The following MTCL1 variants were observed in gnomAD, a reference collection of about 807,000 sequenced individuals.
The protein encoded by MTCL1 is microtubule crosslinking factor 1, also known as microtubule cross-linking factor 1.
In MTCL1, 79 loss-of-function variants were observed where a neutral mutation model predicts 141.4. The observed-to-expected ratio is 0.56, with a 90% confidence interval of 0.47 to 0.67. The LOEUF is 0.67. Ranked by LOEUF, MTCL1 falls within the 30% of genes least tolerant of loss-of-function variation. The pLI is 0.00. For missense variants in MTCL1, 2,177 were observed against 2,113.9 expected, an observed-to-expected ratio of 1.03 and a Z score of -0.59; for synonymous variants, 914 against 875.8, an observed-to-expected ratio of 1.04 and a Z score of -0.77.
chr18:8,774,870 A>G (rs960667006), intron 4 of MTCL1, among the ~76,000 whole-genome samples: 3 of 151,934 alleles, frequency 2.0e-5, no homozygotes, highest in African/African-American at 7.3e-5. Context: ...ATGGAGGAGG[A>G]GTGTCCCATG....
intron 12 of MTCL1, among the ~76,000 whole-genome samples, chr18:8,813,869 T>C (rs1188410780): frequency 6.6e-6 from 1 of 152,210 alleles, no homozygotes; most frequent in Non-Finnish European, 1.5e-5. Context: ...ATAACCATTC[T>C]CTGCATTGCA....
In MTCL1 at chr18:8,825,648, A is replaced by T; in HGVS notation, c.4138A>T (p.Lys1380Ter). 6.2e-7 allele frequency: 1 copy of T among 1,613,912 alleles called. No individual in the cohort carries two copies. The highest frequency in any genetic ancestry group is 8.5e-7 in the Non-Finnish European group (1 of 1,179,952). ...CCCTGCCATCGAGAAGGTGCAGGCC[A>T]AGTTTGAACGCACATGCTGCTCCCC... is the stretch of plus-strand genomic sequence containing the variant. Residue 1380 changes from lysine (K) to a stop codon, truncating the protein, a stop_gained, in exon 15 of 17, where the codon AAG (lysine) becomes TAG (stop). Coordinates refer to ENST00000359865, the Ensembl canonical transcript of MTCL1. LOFTEE classifies it high-confidence loss of function.
At chr18:8,706,452 C>T in exon 1 of MTCL1, 9 of 1,236,032 alleles carry the variant, frequency 7.3e-6, no homozygotes, top group South Asian at 3.9e-5. Context: ...CGGGCAGCCC[C>T]GAGCCCCCAG....
intron 4 of MTCL1, among the ~76,000 whole-genome samples, chr18:8,744,704 G>A (rs757729501): frequency 2.6e-5 from 4 of 151,438 alleles, no homozygotes; most frequent in Non-Finnish European, 5.9e-5. Flanking sequence ...TTTTTGAGTA[G>A]CATCTGTTAG....
chr18:8,801,472 G>T (rs1249819652), intron 10 of MTCL1, among the ~76,000 whole-genome samples: 1 of 152,178 alleles, frequency 6.6e-6, no homozygotes, highest in African/African-American at 2.4e-5. Flanking sequence ...CCAGACCAGA[G>T]CTTAGGATCT....
Position 8,813,251 on chromosome 18 carries a change from G to T in MTCL1, c.2859+18G>T. Reference sequence around the variant, plus strand: ...TAGAGCAGGTAAGGAGGCACCCCGGGGCCCTGGAGCATAGGCACAGAGTGT... The same window carrying T: ...TAGAGCAGGTAAGGAGGCACCCCGGTGCCCTGGAGCATAGGCACAGAGTGT... On this transcript the variant is annotated intron_variant, in intron 12 of 16. Coordinates refer to ENST00000359865, the Ensembl canonical transcript of MTCL1. 1 of 1,607,110 alleles carries T rather than the reference G, an allele frequency of 6.2e-7. No individual in the cohort carries two copies. Among genetic ancestry groups the T allele is most frequent in the Non-Finnish European group, 8.5e-7 (1 of 1,176,832 alleles).
chr18:8,785,697 C>T (rs945125726), intron 6 of MTCL1: 2 of 543,916 alleles, frequency 3.7e-6, no homozygotes, highest in African/African-American at 1.9e-5. Context: ...CAGATGTGTC[C>T]ACCCGCCCCT....
intron 5 of MTCL1, among the ~76,000 whole-genome samples, chr18:8,781,207 A>T (rs2096531604): frequency 7.4e-6 from 1 of 135,902 alleles, no homozygotes; most frequent in Non-Finnish European, 1.6e-5. Flanking sequence ...AAAAAAAAAG[A>T]ATGAATGAAC....
exon 5 of MTCL1, chr18:8,777,858 G>T (rs753590337): frequency 6.2e-7 from 1 of 1,613,810 alleles, no homozygotes; most frequent in Admixed American, 1.7e-5. Flanking sequence ...AGAAGCACTC[G>T]GGAAATGTAC....
chr18:8,809,314 T>G, intron 11 of MTCL1: 1 of 1,125,912 alleles, frequency 8.9e-7, no homozygotes, highest in East Asian at 2.6e-5. Context: ...TCACTAACTT[T>G]CCACTAAAAT....
chr18:8,767,595 T>G (rs1293859585), intron 4 of MTCL1, among the ~76,000 whole-genome samples: 1 of 152,216 alleles, frequency 6.6e-6, no homozygotes, highest in African/African-American at 2.4e-5. Context: ...TCCTGCAGTT[T>G]AATCTCCTGT....
rs561167531 is a variant in MTCL1 at position 8,829,656 on chromosome 18, A to G, written c.*18+692A>G. ...ATATAGTCATCCACCCACCTCATCC[A>G]CTGGCCTTGACTCGAAGCCAGTAGT... On this transcript the variant is annotated intron_variant, in intron 16 of 16. Coordinates refer to ENST00000359865, the Ensembl canonical transcript of MTCL1. The G allele has an allele frequency of 2.8e-5, 28 of 985,342 alleles. No homozygotes were observed. In the African/African-American group the frequency reaches 4.5e-4, roughly 16 times the overall value. The allele number at this position is 985,342 out of a possible 1,614,324, so 61.0% of individuals were successfully genotyped here.
At chr18:8,780,415 G>T (rs1456551918) in intron 5 of MTCL1, among the ~76,000 whole-genome samples, 2 of 152,258 alleles carry the variant, frequency 1.3e-5, no homozygotes, top group African/African-American at 4.8e-5. Flanking sequence ...CCCCCACCTT[G>T]TCCAGCCCAG....
intron 4 of MTCL1, among the ~76,000 whole-genome samples, chr18:8,768,148 T>G (rs1253571350): frequency 6.6e-6 from 1 of 152,244 alleles, no homozygotes; most frequent in African/African-American, 2.4e-5. Context: ...AAACACCTGT[T>G]ATCCCCACCA....
chr18:8,830,028 C>G lies in MTCL1; in HGVS notation c.*18+1064C>G. ...AGATAAACCTATGACAGCAGCTTCA[C>G]CAACACACAACACACACAGAACAGA... On this transcript the variant is annotated intron_variant, in intron 16 of 16. Transcript: ENST00000359865. This position sits in a 1 kb window ranked among gnomAD's most constrained non-coding sequence, Gnocchi z 6.4. The G allele has an allele frequency of 1.0e-6, 1 of 985,468 alleles. No homozygotes were observed. Among genetic ancestry groups the G allele is most frequent in the South Asian group, 4.7e-5 (1 of 21,286 alleles). The allele number at this position is 985,468 out of a possible 1,614,324, so 61.0% of individuals were successfully genotyped here.
exon 6 of MTCL1, chr18:8,784,287 G>C (rs1300428447): frequency 6.3e-7 from 1 of 1,587,456 alleles, no homozygotes; most frequent in East Asian, 2.3e-5. Flanking sequence ...AGTGATGCGG[G>C]CAAGAAGGAG....
chr18:8,766,530 C>T (rs1598561004), intron 4 of MTCL1, among the ~76,000 whole-genome samples: 1 of 152,230 alleles, frequency 6.6e-6, no homozygotes, highest in Non-Finnish European at 1.5e-5. Context: ...TGCTTTTCAA[C>T]ATTGTCTGCA....
upstream of MTCL1, among the ~76,000 whole-genome samples, chr18:8,717,058 G>T (rs555990442): frequency 1.3e-5 from 2 of 152,292 alleles, no homozygotes; most frequent in South Asian, 4.1e-4. Context: ...CTTGGTGTTT[G>T]TAAGTGTTCA....
In MTCL1 at chr18:8,828,826, T is replaced by G. The variant is rs1368778338; in HGVS notation, c.4723-82T>G. 1 of 1,607,036 alleles carries G rather than the reference T, an allele frequency of 6.2e-7. No individual in the cohort carries two copies. The highest frequency in any genetic ancestry group is 8.5e-7 in the Non-Finnish European group (1 of 1,177,562). On this transcript the variant is annotated intron_variant, in intron 15 of 16. Coordinates refer to ENST00000359865, the Ensembl canonical transcript of MTCL1. The surrounding 1 kb of genome is among the most constrained non-coding windows in gnomAD (Gnocchi z 5.2). ...TCCTCTACCTCCGGGCTTGCTGACT[T>G]TAAACCTTTATTGTTCTCCTGTTTA...
Sources: gnomAD v4.1 joint callset for allele counts (sites outside exome capture counted in the v4.1 genomes callset) on GRCh38, gnomAD v4.1.1 for gene constraint, Gnocchi (gnomAD v3.1) non-coding constraint, MANE v1.5 for transcripts, NCBI Gene and HGNC (gene_info 2026-07-23, HGNC 2026-07-21) for gene names.